The following RORA variants were observed in gnomAD, a reference collection of about 807,000 sequenced individuals.
The protein encoded by RORA is RAR related orphan receptor A.
In RORA, 7 loss-of-function variants were observed where a neutral mutation model predicts 69.5. The ratio of observed to expected loss-of-function variants is 0.10; its 90% CI spans 0.06 to 0.19. The LOEUF (loss-of-function observed/expected upper bound fraction) is 0.19. Ranked by LOEUF, RORA falls within the 10% of genes least tolerant of loss-of-function variation. The pLI, the probability that RORA is intolerant of heterozygous loss-of-function variation, is 1.00. For missense variants in RORA, 457 were observed against 663.0 expected (o/e 0.69, Z 3.41); for synonymous variants, 261 against 240.8 (o/e 1.08, Z -0.78).
At chr15:60,838,355 T>A (rs149966984) in intron 1 of RORA, among the ~76,000 whole-genome samples, 1,701 of 152,270 alleles carry the variant, frequency 0.011, 13 homozygotes, top group Non-Finnish European at 0.018. Context: ...GAAAAAGCTC[T>A]CCAGCTGTTT....
At chr15:60,643,474 A>G (rs533385040) in intron 2 of RORA, among the ~76,000 whole-genome samples, 1 of 152,310 alleles carries the variant, frequency 6.6e-6, no homozygotes, top group Admixed American at 6.5e-5. Context: ...TTGGTGAACA[A>G]TAGTTTGTGT....
chr15:60,912,794 C>A (rs1241703792), intron 1 of RORA, among the ~76,000 whole-genome samples: 5 of 151,418 alleles, frequency 3.3e-5, no homozygotes, highest in Non-Finnish European at 5.9e-5. Context: ...CAAAACACAA[C>A]AAAAAAAATC....
Position 60,511,296 on chromosome 15 carries a change from T to C in RORA, c.750A>G (p.Ala250=), listed in dbSNP as rs767770734. 7.4e-6 allele frequency: 12 copies of C among 1,614,066 alleles called. No homozygotes were observed. Among genetic ancestry groups the C allele is most frequent in the Non-Finnish European group, 1.0e-5 (12 of 1,180,028 alleles). The stretch of plus-strand genomic sequence containing the variant: ...ACGAACAGTAGGGAAAGAAGCCTGA[T>C]GCTGGTGTGTAGTCACATATTGGTT... ...KPEPICDYTP[A]SGFFPYCSFT... Residue 250 remains alanine, a synonymous_variant, in exon 5 of 11, where the codon GCA becomes GCG. Transcript: ENST00000335670. This position sits in a 1 kb window ranked among gnomAD's most constrained non-coding sequence, Gnocchi z 6.4.
At chr15:61,090,733 G>A (rs759316906) in intron 1 of RORA, among the ~76,000 whole-genome samples, 2 of 152,070 alleles carry the variant, frequency 1.3e-5, no homozygotes, top group African/African-American at 4.8e-5. Flanking sequence ...TTTAGTTAAT[G>A]AGAATCCCAA....
chr15:61,207,537 T>C (rs1471945400), intron 1 of RORA, among the ~76,000 whole-genome samples: 1 of 152,228 alleles, frequency 6.6e-6, no homozygotes, highest in Non-Finnish European at 1.5e-5. Context: ...AGTTGTCTTC[T>C]CTATGGTTTC....
chr15:60,902,526 AGCAGCACG>A (rs1461099836), intron 1 of RORA, among the ~76,000 whole-genome samples: 1 of 152,212 alleles, frequency 6.6e-6, no homozygotes, highest in African/African-American at 2.4e-5. Context: ...GGCCTAGAGA[AGCAGCACG>A]GCTTGCCTCT....
At chr15:61,088,490 G>C (rs1233744663) in intron 1 of RORA, among the ~76,000 whole-genome samples, 1 of 152,140 alleles carries the variant, frequency 6.6e-6, no homozygotes, top group African/African-American at 2.4e-5. Context: ...GGCGACAGGA[G>C]ACATACAGCT....
chr15:61,093,115 G>A (rs1043114009), intron 1 of RORA, among the ~76,000 whole-genome samples: 2 of 152,150 alleles, frequency 1.3e-5, no homozygotes, highest in African/African-American at 4.8e-5. Flanking sequence ...TAGTTAGACT[G>A]ATGGCTAATA....
intron 1 of RORA, among the ~76,000 whole-genome samples, chr15:60,815,083 A>G (rs994465250): frequency 6.6e-6 from 1 of 152,128 alleles, no homozygotes; most frequent in Admixed American, 6.5e-5. Context: ...AACTAATCCA[A>G]CTGTGTTTCA....
intron 1 of RORA, among the ~76,000 whole-genome samples, chr15:60,800,881 C>T (rs1038015760): frequency 1.3e-5 from 2 of 152,180 alleles, no homozygotes; most frequent in African/African-American, 4.8e-5. Context: ...TAGTTCTTAT[C>T]GATTTGGTCA....
At chr15:61,165,634 CCTGAGGGTT>C (rs1182884301) in intron 1 of RORA, among the ~76,000 whole-genome samples, 1 of 152,070 alleles carries the variant, frequency 6.6e-6, no homozygotes, top group African/African-American at 2.4e-5. Flanking sequence ...GGATGGGGAA[CCTGAGGGTT>C]CTGTGGATCA....
intron 1 of RORA, among the ~76,000 whole-genome samples, chr15:60,682,592 A>C (rs1228580436): frequency 6.6e-6 from 1 of 152,222 alleles, no homozygotes; most frequent in Non-Finnish European, 1.5e-5. Context: ...CAGCCTGGGC[A>C]ACACAGTGAC....
chr15:61,109,257 C>T lies in RORA; in HGVS notation c.166+119796G>A, dbSNP rs186165019. ...GTGCTAAGCATGTTACGTGTATTGT[C>T]ATGTGAGCAAGATGTAAGATACACA... On this transcript the variant is annotated intron_variant, in intron 1 of 10. Coordinates refer to ENST00000335670, the MANE Select transcript of RORA (RefSeq NM_134261.3). Among the ~76,000 whole-genome samples the T allele has an allele frequency of 6.6e-5, 10 of 152,270 alleles. No homozygotes were observed. In the East Asian group the frequency reaches 1.9e-3, roughly 29 times the overall value.
chr15:60,855,815 C>T (rs1351513928), intron 1 of RORA, among the ~76,000 whole-genome samples: 1 of 152,184 alleles, frequency 6.6e-6, no homozygotes, highest in African/African-American at 2.4e-5. Context: ...CGGGGTTTCA[C>T]CACGTTAGCC....
At chr15:60,903,660 C>T (rs1446590968) in intron 1 of RORA, among the ~76,000 whole-genome samples, 1 of 152,172 alleles carries the variant, frequency 6.6e-6, no homozygotes, top group Non-Finnish European at 1.5e-5. Context: ...GCTAGCCCAA[C>T]ATAAATTCAC....
intron 1 of RORA, among the ~76,000 whole-genome samples, chr15:60,943,631 G>C (rs753936890): frequency 1.3e-5 from 2 of 151,958 alleles, no homozygotes; most frequent in Non-Finnish European, 2.9e-5. Flanking sequence ...TGAGTAATGG[G>C]TCGGCTGGGC....
chr15:61,138,260 G>GT (rs940380268), intron 1 of RORA, among the ~76,000 whole-genome samples: 1 of 151,966 alleles, frequency 6.6e-6, no homozygotes, highest in Non-Finnish European at 1.5e-5. Flanking sequence ...ATTTTTACTT[G>GT]TTTTTTTCTC....
chr15:60,599,859 G>A (rs989846184), intron 2 of RORA, among the ~76,000 whole-genome samples: 12 of 152,268 alleles, frequency 7.9e-5, no homozygotes, highest in African/African-American at 2.9e-4. Flanking sequence ...CTTATTGTAA[G>A]GATTAATCGT....
intron 1 of RORA, among the ~76,000 whole-genome samples, chr15:61,164,638 C>T (rs755022685): frequency 5.5e-4 from 83 of 152,270 alleles, no homozygotes; most frequent in Non-Finnish European, 1.1e-3. Flanking sequence ...CTGAGCAATG[C>T]TAGTTACATC....
Sources: allele counts gnomAD v4.1 joint callset (sites outside exome capture counted in the v4.1 genomes callset), GRCh38; gene constraint gnomAD v4.1.1; non-coding constraint Gnocchi (gnomAD v3.1); transcripts MANE v1.5; gene names NCBI Gene and HGNC (gene_info 2026-07-23, HGNC 2026-07-21).